The following HIBADH variants were observed in gnomAD, a reference collection of about 807,000 sequenced individuals.
HIBADH encodes the protein 3-hydroxyisobutyrate dehydrogenase, mitochondrial.
Under a neutral mutation model 36.1 loss-of-function variants are expected in HIBADH, and 25 were observed. That is an observed-to-expected ratio of 0.69 (90% CI 0.50 to 0.97). The LOEUF (loss-of-function observed/expected upper bound fraction) is 0.97. Among genes scored for constraint, HIBADH ranks in the 50% least tolerant of loss-of-function variants. The probability of loss-of-function intolerance (pLI) is 0.00; values close to 1 mark genes in which losing one functional copy is unlikely to be tolerated. For synonymous variants in HIBADH, 160 were observed against 149.5 expected (o/e 1.07, Z -0.51); for missense variants, 421 against 418.0 (o/e 1.01, Z -0.06).
chr7:27,642,898 A>T (rs983424702), intron 2 of HIBADH, among the ~76,000 whole-genome samples: 2 of 151,078 alleles, frequency 1.3e-5, no homozygotes, highest in African/African-American at 4.9e-5. Flanking sequence ...TGATCCGCCC[A>T]CCTCGGCCTC....
At chr7:27,597,172 C>T (rs149688452) in intron 4 of HIBADH, among the ~76,000 whole-genome samples, 14 of 151,992 alleles carry the variant, frequency 9.2e-5, no homozygotes, top group African/African-American at 2.7e-4. Context: ...CCTGATGGCC[C>T]TATAATTCAT....
intron 1 of HIBADH, among the ~76,000 whole-genome samples, chr7:27,662,441 C>T (rs1256147478): frequency 2.6e-5 from 4 of 152,150 alleles, no homozygotes; most frequent in Admixed American, 6.5e-5. Context: ...CTCTTCCCCA[C>T]CTCTTCCTAA....
chr7:27,601,520 A>C (rs969321364), intron 4 of HIBADH, among the ~76,000 whole-genome samples: 1 of 152,140 alleles, frequency 6.6e-6, no homozygotes, highest in South Asian at 2.1e-4. Context: ...TTGAATACTG[A>C]AATTCTCATT....
chr7:27,538,061 G>A (rs1485305124), intron 6 of HIBADH, among the ~76,000 whole-genome samples: 1 of 152,104 alleles, frequency 6.6e-6, no homozygotes, highest in Non-Finnish European at 1.5e-5. Flanking sequence ...CATAATAGAA[G>A]AAATGGGGGT....
intron 4 of HIBADH, among the ~76,000 whole-genome samples, chr7:27,555,359 G>A (rs1784376244): frequency 7.0e-6 from 1 of 142,478 alleles, no homozygotes; most frequent in African/African-American, 2.6e-5. Flanking sequence ...AACCTATTAT[G>A]GATAATGGCC....
chr7:27,652,940 CCAACATGGT>C (rs1432293460), intron 1 of HIBADH, among the ~76,000 whole-genome samples: 5 of 152,092 alleles, frequency 3.3e-5, no homozygotes, highest in African/African-American at 4.8e-5. Flanking sequence ...ACCAACCTGG[CCAACATGGT>C]GAAACCCAGT....
rs35467427 is a variant in HIBADH, at chr7:27,577,164, C to CTTTTTTTTTTTTT, written c.485-34065_485-34064insAAAAAAAAAAAAA. ...TGTGAACTTTCCAAGCATCATTTCT[C>CTTTTTTTTTTTTT]TCTTTTTTTTTTTTTTGAGATGGAG... On this transcript the variant is annotated intron_variant, in intron 4 of 7. Coordinates refer to ENST00000265395, the MANE Select transcript of HIBADH (RefSeq NM_152740.4). Among the ~76,000 whole-genome samples the CTTTTTTTTTTTTT allele has an allele frequency of 2.1e-5, 3 of 143,888 alleles. 1 individual carries two copies. Among genetic ancestry groups the CTTTTTTTTTTTTT allele is most frequent in the Non-Finnish European group, 3.0e-5 (2 of 66,046 alleles). The allele number at this position is 143,888 out of a possible 152,430, so 94.4% of individuals were successfully genotyped here. A position where few individuals can be genotyped will look rare whatever the true frequency, so the allele number is the denominator to read the frequency against.
chr7:27,602,680 C>T (rs778241437), intron 4 of HIBADH, among the ~76,000 whole-genome samples: 2 of 152,050 alleles, frequency 1.3e-5, no homozygotes, highest in Non-Finnish European at 2.9e-5. Context: ...CATTACAAGG[C>T]GTCAGTCTTT....
intron 4 of HIBADH, among the ~76,000 whole-genome samples, chr7:27,583,653 C>T (rs1324048588): frequency 6.6e-6 from 1 of 151,922 alleles, no homozygotes; most frequent in African/African-American, 2.4e-5. Flanking sequence ...GTAATTTAAT[C>T]AATTCTCCCT....
At chr7:27,601,909 T>C (rs1302117079) in intron 4 of HIBADH, among the ~76,000 whole-genome samples, 1 of 152,100 alleles carries the variant, frequency 6.6e-6, no homozygotes, top group East Asian at 1.9e-4. Flanking sequence ...ATTGTGGGTA[T>C]TGTGTGGGAG....
At chr7:27,626,292 G>A (rs1785645586) in intron 4 of HIBADH, among the ~76,000 whole-genome samples, 1 of 151,908 alleles carries the variant, frequency 6.6e-6, no homozygotes. Flanking sequence ...GCATCAAATA[G>A]GCTGAGGCAT....
intron 4 of HIBADH, among the ~76,000 whole-genome samples, chr7:27,573,480 C>T (rs1331819542): frequency 1.3e-5 from 2 of 152,172 alleles, no homozygotes; most frequent in Non-Finnish European, 2.9e-5. Flanking sequence ...AGAGTATGAG[C>T]TTCTTGAGAG....
At chr7:27,572,889 A>G (rs1784648848) in intron 4 of HIBADH, among the ~76,000 whole-genome samples, 1 of 152,158 alleles carries the variant, frequency 6.6e-6, no homozygotes, top group Non-Finnish European at 1.5e-5. Flanking sequence ...ATATTGTCAT[A>G]CAAAAGTTAA....
rs948787043 is a variant in HIBADH, at chr7:27,587,077, C to T, written c.484+42294G>A. Among the ~76,000 whole-genome samples, 6 of 152,358 alleles carry T rather than the reference C, an allele frequency of 3.9e-5. No homozygotes were observed. In the East Asian group the frequency reaches 1.2e-3, roughly 29 times the overall value. On this transcript the variant is annotated intron_variant, in intron 4 of 7. Transcript: ENST00000265395. The stretch of plus-strand genomic sequence containing the variant: ...GATCTCTTCAGCAAGCCTTGTTATG[C>T]AAATTCAATTACTCAAGTGTGCCCT...
intron 4 of HIBADH, among the ~76,000 whole-genome samples, chr7:27,581,973 T>C (rs1416601471): frequency 1.3e-5 from 2 of 152,150 alleles, no homozygotes; most frequent in Admixed American, 1.3e-4. Context: ...CATACTTATT[T>C]GAAAGAAGAT....
At chr7:27,567,651 G>A (rs540408057) in intron 4 of HIBADH, among the ~76,000 whole-genome samples, 46 of 152,030 alleles carry the variant, frequency 3.0e-4, no homozygotes, top group African/African-American at 8.4e-4. Context: ...GTGTGTGTGC[G>A]TGCGTGCACA....
chr7:27,662,271 G>A (rs1302148774), intron 1 of HIBADH, among the ~76,000 whole-genome samples: 1 of 152,134 alleles, frequency 6.6e-6, no homozygotes, highest in African/African-American at 2.4e-5. Flanking sequence ...CTGCCCAAGT[G>A]TGTCCCCAAC....
chr7:27,565,771 G>C (rs1046870700), intron 4 of HIBADH, among the ~76,000 whole-genome samples: 1 of 152,080 alleles, frequency 6.6e-6, no homozygotes, highest in African/African-American at 2.4e-5. Context: ...GTTAGCTATA[G>C]GTTGTTTTTG....
rs757881356 is a variant in HIBADH, at chr7:27,542,549, T to A, written c.618+418A>T. Among the ~76,000 whole-genome samples the A allele has an allele frequency of 7.5e-4, 108 of 143,544 alleles. 2 individuals are homozygous for A. The highest frequency in any genetic ancestry group is 1.0e-3 in the Admixed American group (14 of 13,506). 94.2% of individuals were successfully genotyped at this position (143,544 alleles called of 152,430 possible). ...CAGCCTCAATCCCCCACCCCTGGGC[T>A]CAGGTGATCCCCCCACCTCAGCCTC... On this transcript the variant is annotated intron_variant, in intron 5 of 7. Coordinates refer to ENST00000265395, the MANE Select transcript of HIBADH (RefSeq NM_152740.4).
Sources: gnomAD v4.1 joint callset for allele counts (sites outside exome capture counted in the v4.1 genomes callset) on GRCh38, gnomAD v4.1.1 for gene constraint, MANE v1.5 for transcripts, NCBI Gene and HGNC (gene_info 2026-07-23, HGNC 2026-07-21) for gene names.